Variants in INPP4B observed in about 807,000 individuals in gnomAD.
INPP4B encodes inositol polyphosphate-4-phosphatase type II B, also known as inositol polyphosphate 4-phosphatase type II.
In INPP4B, 55 loss-of-function variants were observed where a neutral mutation model predicts 122.5. The ratio of observed to expected loss-of-function variants is 0.45; its 90% CI spans 0.36 to 0.56. The LOEUF is 0.56. Ranked by LOEUF, INPP4B falls within the 20% of genes least tolerant of loss-of-function variation. The pLI is 0.00. For synonymous variants in INPP4B, 403 were observed against 388.7 expected (o/e 1.04, Z -0.43); for missense variants, 1,000 against 1,097.7 (o/e 0.91, Z 1.26).
chr4:142,670,073 C>T (rs1444717332), intron 2 of INPP4B, among the ~76,000 whole-genome samples: 2 of 152,096 alleles, frequency 1.3e-5, no homozygotes, highest in Admixed American at 6.6e-5. Flanking sequence ...AAATCGCATG[C>T]TTTGTATACA....
At chr4:142,344,875 T>A (rs1779818543) in intron 7 of INPP4B, among the ~76,000 whole-genome samples, 1 of 151,986 alleles carries the variant, frequency 6.6e-6, no homozygotes, top group Non-Finnish European at 1.5e-5. Context: ...TAAGAATTAA[T>A]ATATATCAGG....
intron 1 of INPP4B, among the ~76,000 whole-genome samples, chr4:142,764,295 CTT>C (rs1434273311): frequency 6.6e-6 from 1 of 152,118 alleles, no homozygotes; most frequent in African/African-American, 2.4e-5. Flanking sequence ...CATTTCTTGA[CTT>C]TTAAAATGGT....
At chr4:142,611,859 G>A (rs1022650196) in intron 2 of INPP4B, among the ~76,000 whole-genome samples, 2 of 151,666 alleles carry the variant, frequency 1.3e-5, no homozygotes, top group African/African-American at 4.8e-5. Flanking sequence ...AGTAGAGATG[G>A]GGTTTCACCA....
At chr4:142,714,223 C>G (rs1763477512) in intron 2 of INPP4B, among the ~76,000 whole-genome samples, 1 of 152,106 alleles carries the variant, frequency 6.6e-6, no homozygotes, top group Non-Finnish European at 1.5e-5. Context: ...ATATGTTTTC[C>G]TATAGGAACA....
At chr4:142,607,344 T>C (rs979373323) in intron 2 of INPP4B, among the ~76,000 whole-genome samples, 1 of 152,106 alleles carries the variant, frequency 6.6e-6, no homozygotes, top group Non-Finnish European at 1.5e-5. Flanking sequence ...TTAAAGGCTA[T>C]AGCAGTAGCT....
chr4:142,787,452 A>G (rs1775917820), intron 1 of INPP4B, among the ~76,000 whole-genome samples: 1 of 152,056 alleles, frequency 6.6e-6, no homozygotes, highest in Admixed American at 6.6e-5. Flanking sequence ...GCACCTTTAT[A>G]CTGGATTGCC....
intron 9 of INPP4B, among the ~76,000 whole-genome samples, chr4:142,298,029 A>G (rs374112874): frequency 6.6e-6 from 1 of 152,198 alleles, no homozygotes; most frequent in East Asian, 1.9e-4. Flanking sequence ...GTGGTGACTA[A>G]GCTCGGACTT....
chr4:142,798,820 T>C (rs1777620783), intron 1 of INPP4B, among the ~76,000 whole-genome samples: 1 of 149,672 alleles, frequency 6.7e-6, no homozygotes, highest in African/African-American at 2.5e-5. Context: ...ATATACAGTA[T>C]ACAATGTGTA....
intron 18 of INPP4B, among the ~76,000 whole-genome samples, chr4:142,135,287 G>A (rs897877639): frequency 5.9e-5 from 9 of 152,252 alleles, no homozygotes; most frequent in African/African-American, 1.7e-4. Flanking sequence ...CAGGGGAAAT[G>A]ACATTTAAGA....
chr4:142,727,176 T>C (rs747047252), intron 1 of INPP4B, among the ~76,000 whole-genome samples: 9 of 152,166 alleles, frequency 5.9e-5, no homozygotes, highest in Non-Finnish European at 1.0e-4. Context: ...TGAAAAAGAT[T>C]GAATAGCAGT....
intron 17 of INPP4B, 75 bp from the exon 18 acceptor site, chr4:142,146,071 T>C: frequency 6.6e-7 from 1 of 1,513,928 alleles, no homozygotes; most frequent in South Asian, 1.3e-5. Flanking sequence ...AAATCTATTT[T>C]AGAGAAGCAT....
intron 25 of INPP4B, among the ~76,000 whole-genome samples, chr4:142,072,883 T>C (rs1156833677): frequency 6.6e-6 from 1 of 152,080 alleles, no homozygotes; most frequent in African/African-American, 2.4e-5. Context: ...TCTTTATATA[T>C]GTTGTTTCAT....
intron 2 of INPP4B, among the ~76,000 whole-genome samples, chr4:142,601,396 A>G (rs183820797): frequency 2.0e-5 from 3 of 152,220 alleles, no homozygotes; most frequent in East Asian, 3.9e-4. Flanking sequence ...CAATACCAAG[A>G]GCAGTTTTGG....
intron 3 of INPP4B, among the ~76,000 whole-genome samples, chr4:142,448,429 A>G (rs1225732063): frequency 1.3e-5 from 2 of 152,102 alleles, no homozygotes; most frequent in Non-Finnish European, 1.5e-5. Flanking sequence ...CGTCACAACA[A>G]TGTCACAACA....
At chr4:142,246,045 C>CACACATATATATATGTGTGTGTATACAT (rs1728422260) in intron 11 of INPP4B, among the ~76,000 whole-genome samples, 1 of 82,948 alleles carries the variant, frequency 1.2e-5, no homozygotes, top group African/African-American at 4.1e-5. Flanking sequence ...TGTGTGTATA[C>CACACATATATATATGTGTGTGTATACAT]ACACATTATA....
chr4:142,316,713 T>C (rs1183807597), intron 7 of INPP4B, among the ~76,000 whole-genome samples: 2 of 152,180 alleles, frequency 1.3e-5, no homozygotes, highest in Non-Finnish European at 2.9e-5. Flanking sequence ...TTGTATAAAG[T>C]ATTTGATTTG....
At chr4:142,813,587 G>A (rs1356649288) in intron 1 of INPP4B, among the ~76,000 whole-genome samples, 1 of 152,084 alleles carries the variant, frequency 6.6e-6, no homozygotes, top group Non-Finnish European at 1.5e-5. Context: ...TGGCAATAAA[G>A]CAATAAAGAA....
intron 7 of INPP4B, among the ~76,000 whole-genome samples, chr4:142,373,936 G>A (rs184235997): frequency 3.9e-5 from 6 of 151,930 alleles, no homozygotes; most frequent in Admixed American, 3.9e-4. Flanking sequence ...AATATAAACT[G>A]TCGTGCATTG....
At chr4:142,153,293 C>A (rs1252822461) in intron 17 of INPP4B, among the ~76,000 whole-genome samples, 4 of 152,094 alleles carry the variant, frequency 2.6e-5, no homozygotes, top group African/African-American at 4.8e-5. Flanking sequence ...ATTGTATGAA[C>A]CTTGATAAAT....
Sources: gnomAD v4.1 joint callset for allele counts (sites outside exome capture counted in the v4.1 genomes callset) on GRCh38, gnomAD v4.1.1 for gene constraint, MANE v1.5 for transcripts, NCBI Gene and HGNC (gene_info 2026-07-23, HGNC 2026-07-21) for gene names.